CADM2: variants seen among roughly 807,000 people sequenced by gnomAD.
CADM2 encodes the protein immunoglobulin superfamily member 4D.
Under a neutral mutation model 49.8 loss-of-function variants are expected in CADM2, and 12 were observed. That is an observed-to-expected ratio of 0.24 (90% CI 0.15 to 0.39). CADM2 has a LOEUF of 0.39. Ranked by LOEUF, CADM2 falls within the 10% of genes least tolerant of loss-of-function variation. The pLI, the probability that CADM2 is intolerant of heterozygous loss-of-function variation, is 1.00. For missense variants in CADM2, 378 were observed against 492.3 expected (o/e 0.77, Z 2.20); for synonymous variants, 214 against 175.4 (o/e 1.22, Z -1.74).
intron 1 of CADM2, among the ~76,000 whole-genome samples, chr3:85,376,416 T>G (rs1309775658): frequency 4.6e-5 from 7 of 151,964 alleles, no homozygotes; most frequent in Admixed American, 4.6e-4. Context: ...TTAATCTCAT[T>G]GGAAATGTAG....
intron 8 of CADM2, among the ~76,000 whole-genome samples, chr3:86,021,697 C>G (rs1403851289): frequency 6.6e-6 from 1 of 152,184 alleles, no homozygotes; most frequent in Non-Finnish European, 1.5e-5. Flanking sequence ...AGATCCTATT[C>G]TTTGTGAGGG....
chr3:85,585,461 T>C (rs1290452794), intron 1 of CADM2, among the ~76,000 whole-genome samples: 2 of 151,930 alleles, frequency 1.3e-5, no homozygotes, highest in African/African-American at 4.8e-5. Context: ...GAATGGCTCT[T>C]CTATTCATGA....
intron 1 of CADM2, among the ~76,000 whole-genome samples, chr3:85,341,585 T>C (rs1054474626): frequency 5.9e-5 from 9 of 151,986 alleles, no homozygotes; most frequent in Admixed American, 4.6e-4. Flanking sequence ...GTGTGAACCA[T>C]GTCTTGCATA....
At chr3:85,284,100 G>C (rs1356790329) in intron 1 of CADM2, among the ~76,000 whole-genome samples, 1 of 152,068 alleles carries the variant, frequency 6.6e-6, no homozygotes, top group Non-Finnish European at 1.5e-5. Flanking sequence ...AACTCTGCCA[G>C]ATAATTAAAC....
chr3:85,904,509 T>C (rs568420093), intron 5 of CADM2, among the ~76,000 whole-genome samples: 99 of 152,330 alleles, frequency 6.5e-4, no homozygotes, highest in African/African-American at 2.4e-3. Context: ...AGGGAGAAAG[T>C]CATGGTTCAA....
chr3:85,298,947 A>C (rs1177646579), intron 1 of CADM2, among the ~76,000 whole-genome samples: 1 of 152,092 alleles, frequency 6.6e-6, no homozygotes, highest in African/African-American at 2.4e-5. Context: ...TGTGGTTTTT[A>C]AAATGTTCCC....
intron 1 of CADM2, among the ~76,000 whole-genome samples, chr3:85,331,811 A>G (rs940616056): frequency 6.6e-6 from 1 of 152,058 alleles, no homozygotes; most frequent in African/African-American, 2.4e-5. Context: ...GATAAGAGCC[A>G]TTTTAACTGG....
At chr3:85,123,198 G>C (rs1404973603) in intron 1 of CADM2, among the ~76,000 whole-genome samples, 1 of 151,920 alleles carries the variant, frequency 6.6e-6, no homozygotes, top group Non-Finnish European at 1.5e-5. Flanking sequence ...ATGACATTGG[G>C]TTTTTGAGCC....
At position 85,436,059 on chromosome 3, in the gene CADM2, G is replaced by T. The variant is rs1353421790; in HGVS notation, c.62-290463G>T. ...CCATTTGTCAATTTTGGCTTTTATTGTCATTGCTTTTGGTGTTTTAGTTGT... is the reference window on the plus strand; with the variant it reads ...CCATTTGTCAATTTTGGCTTTTATTTTCATTGCTTTTGGTGTTTTAGTTGT... On this transcript the variant is annotated intron_variant, in intron 1 of 9. Coordinates refer to ENST00000383699, the MANE Select transcript of CADM2 (RefSeq NM_001167675.2). Among the ~76,000 whole-genome samples, 5 of 151,924 alleles carry T rather than the reference G, an allele frequency of 3.3e-5. No homozygotes were observed. The South Asian group carries it at 1.0e-3, about 31-fold the overall frequency.
intron 1 of CADM2, among the ~76,000 whole-genome samples, chr3:85,234,434 G>A (rs1237125164): frequency 2.6e-5 from 4 of 152,046 alleles, no homozygotes; most frequent in Admixed American, 6.6e-5. Context: ...GCTGTAAAAA[G>A]GGAATAACTA....
chr3:85,845,227 C>A (rs1007980404), intron 3 of CADM2, among the ~76,000 whole-genome samples: 4 of 151,146 alleles, frequency 2.6e-5, no homozygotes, highest in Admixed American at 1.3e-4. Context: ...GATGTCCAAG[C>A]AGTTTATTCT....
chr3:85,405,444 G>A (rs929441628), intron 1 of CADM2, among the ~76,000 whole-genome samples: 9 of 152,114 alleles, frequency 5.9e-5, no homozygotes, highest in Non-Finnish European at 8.8e-5. Context: ...CATGGCGCCC[G>A]TCAGTGGCGG....
intron 1 of CADM2, among the ~76,000 whole-genome samples, chr3:85,601,122 A>ATG (rs1170791578): frequency 3.7e-5 from 1 of 26,960 alleles, no homozygotes; most frequent in African/African-American, 1.0e-4. Flanking sequence ...GTGCATTTAT[A>ATG]TATGTGTGTA....
At chr3:85,632,216 A>C (rs1202620767) in intron 1 of CADM2, among the ~76,000 whole-genome samples, 1 of 152,174 alleles carries the variant, frequency 6.6e-6, no homozygotes, top group East Asian at 1.9e-4. Flanking sequence ...GAGTTTCCCT[A>C]CACTAGCTCT....
chr3:85,018,798 A>G (rs1044937929), intron 1 of CADM2, among the ~76,000 whole-genome samples: 9 of 152,184 alleles, frequency 5.9e-5, no homozygotes, highest in Non-Finnish European at 1.3e-4. Context: ...TCTGTCATTT[A>G]ATTAGGATAT....
chr3:85,748,981 T>A (rs2068747048), intron 2 of CADM2, among the ~76,000 whole-genome samples: 1 of 152,074 alleles, frequency 6.6e-6, no homozygotes, highest in Non-Finnish European at 1.5e-5. Context: ...ACAGTGTCTT[T>A]AGATAAGTTC....
intron 1 of CADM2, among the ~76,000 whole-genome samples, chr3:85,368,115 G>T (rs1293040767): frequency 6.6e-6 from 1 of 151,898 alleles, no homozygotes; most frequent in Non-Finnish European, 1.5e-5. Context: ...AATTTTTCCA[G>T]TTACCAAGGC....
intron 1 of CADM2, among the ~76,000 whole-genome samples, chr3:85,136,287 A>T (rs2107619072): frequency 6.6e-6 from 1 of 151,892 alleles, no homozygotes; most frequent in Non-Finnish European, 1.5e-5. Context: ...TCCTAAATGT[A>T]GCTTTTATTT....
intron 1 of CADM2, among the ~76,000 whole-genome samples, chr3:85,473,580 G>C (rs1366122506): frequency 1.3e-5 from 2 of 152,000 alleles, no homozygotes; most frequent in African/African-American, 4.8e-5. Flanking sequence ...TGACATTCAG[G>C]TCATCAGGTT....
Sources: allele counts gnomAD v4.1 joint callset (sites outside exome capture counted in the v4.1 genomes callset), GRCh38; gene constraint gnomAD v4.1.1; transcripts MANE v1.5; gene names NCBI Gene and HGNC (gene_info 2026-07-23, HGNC 2026-07-21).